JMJD1C: variants seen among roughly 807,000 people sequenced by gnomAD.
JMJD1C encodes the protein jumonji domain-containing protein 1C.
In JMJD1C, 31 loss-of-function variants were observed where a neutral mutation model predicts 245.3. That is an observed-to-expected ratio of 0.13 (90% CI 0.09 to 0.17). JMJD1C has a LOEUF of 0.17. JMJD1C is among the 10% of genes least tolerant of loss of function. The pLI, the probability that JMJD1C is intolerant of heterozygous loss-of-function variation, is 1.00. For missense variants in JMJD1C, 2,691 were observed against 3,000.2 expected (o/e 0.90, Z 2.41); for synonymous variants, 1,057 against 1,017.4 (o/e 1.04, Z -0.74).
intron 2 of JMJD1C, among the ~76,000 whole-genome samples, chr10:63,317,933 C>A (rs1184091259): frequency 6.6e-6 from 1 of 152,172 alleles, no homozygotes; most frequent in Non-Finnish European, 1.5e-5. Flanking sequence ...CCACTCCAAC[C>A]TCCAAGGCTC....
At chr10:63,205,008 G>A in intron 10 of JMJD1C, 1 of 985,368 alleles carries the variant, frequency 1.0e-6, no homozygotes, top group Non-Finnish European at 1.2e-6. Flanking sequence ...GTGAAACTAA[G>A]TGCTTTCTGC....
At chr10:63,405,288 C>T (rs1161780982) in intron 1 of JMJD1C, among the ~76,000 whole-genome samples, 1 of 150,816 alleles carries the variant, frequency 6.6e-6, no homozygotes, top group Non-Finnish European at 1.5e-5. Context: ...AGAATTCAAA[C>T]CTGAGTCTAC....
intron 1 of JMJD1C, among the ~76,000 whole-genome samples, chr10:63,423,255 G>A (rs1175670668): frequency 3.9e-5 from 6 of 151,990 alleles, no homozygotes; most frequent in Admixed American, 6.6e-5. Context: ...GTGAGGCACC[G>A]CACCTGGCCC....
At position 63,391,887 on chromosome 10, in the gene JMJD1C, C is replaced by T. The variant is rs112364187; in HGVS notation, c.169-11405G>A. ...ACTGAAGGAATCACACTACACTACCCGACTTTAAAATATATTACAAGCCTA... is the reference window on the plus strand; with the variant it reads ...ACTGAAGGAATCACACTACACTACCTGACTTTAAAATATATTACAAGCCTA... On this transcript the variant is annotated intron_variant, in intron 1 of 25. Coordinates refer to ENST00000399262, the MANE Select transcript of JMJD1C (RefSeq NM_032776.3). Among the ~76,000 whole-genome samples the T allele has an allele frequency of 4.0e-3, 608 of 152,206 alleles. 1 individual carries two copies. The highest frequency in any genetic ancestry group is 6.2e-3 in the Non-Finnish European group (422 of 68,018).
intron 1 of JMJD1C, among the ~76,000 whole-genome samples, chr10:63,409,858 C>T (rs551007093): frequency 1.3e-5 from 2 of 152,254 alleles, no homozygotes; most frequent in Admixed American, 6.5e-5. Flanking sequence ...GTAACAGCTA[C>T]TCACTTGAAA....
intron 20 of JMJD1C, among the ~76,000 whole-genome samples, chr10:63,185,350 TC>T (rs1051902764): frequency 2.0e-5 from 3 of 152,168 alleles, no homozygotes; most frequent in African/African-American, 7.2e-5. Context: ...CAGACTGATC[TC>T]CAAGTCTTGG....
intron 1 of JMJD1C, among the ~76,000 whole-genome samples, chr10:63,401,424 T>C (rs1011049128): frequency 6.6e-6 from 1 of 152,146 alleles, no homozygotes; most frequent in Non-Finnish European, 1.5e-5. Context: ...TTTTTGTTTT[T>C]GCTTGTAGAG....
intron 2 of JMJD1C, among the ~76,000 whole-genome samples, chr10:63,284,823 C>A (rs1857781257): frequency 6.7e-6 from 1 of 150,302 alleles, no homozygotes; most frequent in African/African-American, 2.4e-5. Context: ...CAGAACCAAT[C>A]GTGCACAAGA....
chr10:63,398,955 A>G (rs974575209), intron 1 of JMJD1C, among the ~76,000 whole-genome samples: 11 of 152,170 alleles, frequency 7.2e-5, no homozygotes, highest in African/African-American at 2.4e-4. Flanking sequence ...CCACTGGAAT[A>G]TATTTTAAGT....
At chr10:63,428,742 C>T (rs1950583232) in intron 1 of JMJD1C, among the ~76,000 whole-genome samples, 1 of 152,110 alleles carries the variant, frequency 6.6e-6, no homozygotes, top group African/African-American at 2.4e-5. Context: ...CTCAAAAATG[C>T]TAATTGTTCA....
chr10:63,178,489 GCTCA>G (rs1016158613), intron 22 of JMJD1C, among the ~76,000 whole-genome samples: 2 of 152,070 alleles, frequency 1.3e-5, no homozygotes, highest in South Asian at 2.1e-4. Context: ...GGTCTTTTAT[GCTCA>G]CTATTTATTA....
chr10:63,322,426 A>G (rs770189244), intron 2 of JMJD1C, among the ~76,000 whole-genome samples: 2 of 152,228 alleles, frequency 1.3e-5, no homozygotes, highest in Admixed American at 6.5e-5. Flanking sequence ...GAAGGGACTC[A>G]GTACGATGAT....
rs537539801 is a variant in JMJD1C at position 63,221,506 on chromosome 10, T to C, written c.448-1523A>G. On this transcript the variant is annotated intron_variant, in intron 3 of 25. Transcript: ENST00000399262. ...AGAAGAAAATACCAGAATGAAAAAC[T>C]GTCATACAAATAAGTAGGCAAAATC... 6.6e-5 allele frequency among the ~76,000 whole-genome samples: 10 copies of C among 152,344 alleles called. No homozygotes were observed. In the South Asian group the frequency reaches 2.1e-3, roughly 32 times the overall value.
At chr10:63,440,904 A>G (rs1951343160) in intron 1 of JMJD1C, among the ~76,000 whole-genome samples, 1 of 152,198 alleles carries the variant, frequency 6.6e-6, no homozygotes, top group Admixed American at 6.5e-5. Context: ...AGATCAAAAA[A>G]GCCATGGTTC....
chr10:63,226,755 T>G, intron 3 of JMJD1C, among the ~76,000 whole-genome samples: 3 of 131,472 alleles, frequency 2.3e-5, no homozygotes, highest in Middle Eastern at 4.6e-3. Flanking sequence ...AAGGACATGA[T>G]GGAGTAAAAG....
At chr10:63,290,464 G>C (rs929599965) in intron 2 of JMJD1C, among the ~76,000 whole-genome samples, 2 of 152,112 alleles carry the variant, frequency 1.3e-5, no homozygotes, top group African/African-American at 4.8e-5. Context: ...AGGAGGCTGA[G>C]GCACGAGAAT....
At chr10:63,202,531 T>G in intron 10 of JMJD1C, 2 of 985,432 alleles carry the variant, frequency 2.0e-6, no homozygotes, top group Non-Finnish European at 2.4e-6. Flanking sequence ...ATAAACCATA[T>G]AGAGTGACCC....
At chr10:63,377,938 C>A (rs1014947562) in intron 2 of JMJD1C, among the ~76,000 whole-genome samples, 2 of 147,870 alleles carry the variant, frequency 1.4e-5, no homozygotes, top group Non-Finnish European at 3.0e-5. Context: ...AAAAAAGGAA[C>A]CAGAGCAATA....
At chr10:63,348,879 T>C (rs747670561) in intron 2 of JMJD1C, among the ~76,000 whole-genome samples, 1 of 151,960 alleles carries the variant, frequency 6.6e-6, no homozygotes, top group Non-Finnish European at 1.5e-5. Flanking sequence ...GGCGGGTGGA[T>C]CACCTCAGGT....
Sources: allele counts gnomAD v4.1 joint callset (sites outside exome capture counted in the v4.1 genomes callset), GRCh38; gene constraint gnomAD v4.1.1; transcripts MANE v1.5; gene names NCBI Gene and HGNC (gene_info 2026-07-23, HGNC 2026-07-21).